The following USP6NL variants were observed in gnomAD, a reference collection of about 807,000 sequenced individuals.
The protein encoded by USP6NL is USP6 N-terminal-like protein.
Under a neutral mutation model 61.9 loss-of-function variants are expected in USP6NL, and 26 were observed. That is an observed-to-expected ratio of 0.42 (90% confidence interval 0.31 to 0.58). USP6NL has a LOEUF of 0.58. Among genes scored for constraint, USP6NL ranks in the 20% least tolerant of loss-of-function variants. The pLI is 0.16. For missense variants in USP6NL, 1,114 were observed against 1,034.3 expected, an observed-to-expected ratio of 1.08 and a Z score of -1.06; for synonymous variants, 432 against 390.1, an observed-to-expected ratio of 1.11 and a Z score of -1.27.
At chr10:11,573,135 C>T (rs991659673) in intron 2 of USP6NL, among the ~76,000 whole-genome samples, 16 of 152,172 alleles carry the variant, frequency 1.1e-4, no homozygotes, top group African/African-American at 3.6e-4. Flanking sequence ...TGGCTAAATT[C>T]ATATTTATAA....
In USP6NL at chr10:11,499,665, G is replaced by A. The variant is rs1389544461; in HGVS notation, c.384+1436C>T. Among the ~76,000 whole-genome samples, 5 of 152,166 alleles carry A rather than the reference G, an allele frequency of 3.3e-5. No homozygotes were observed. The highest frequency in any genetic ancestry group is 3.3e-4 in the Admixed American group (5 of 15,280). On this transcript the variant is annotated intron_variant, in intron 7 of 14. Transcript: ENST00000609104. This position sits in a 1 kb window ranked among gnomAD's most constrained non-coding sequence, Gnocchi z 4.5. ...ATAAGGAAGACAGGGATGGAGCGAT[G>A]CCAAAATGCACTAAGGATGGTAGGC...
chr10:11,561,276 G>C lies in USP6NL; in HGVS notation c.5-33709C>G, dbSNP rs568364672. 3.3e-5 allele frequency among the ~76,000 whole-genome samples: 5 copies of C among 152,178 alleles called. No homozygotes were observed. The highest frequency in any genetic ancestry group is 2.6e-4 in the Admixed American group (4 of 15,292). On this transcript the variant is annotated intron_variant, in intron 2 of 14. Coordinates refer to ENST00000609104, the MANE Select transcript of USP6NL (RefSeq NM_014688.5). The surrounding 1 kb of genome is among the most constrained non-coding windows in gnomAD (Gnocchi z 4.1). ...TTCAAGCAATACAGAAATGCATTAA[G>C]AAAAGTGAACTCTCTTCCTCTACAC... is the stretch of plus-strand genomic sequence containing the variant.
At chr10:11,581,531 A>T (rs1837774299) in intron 2 of USP6NL, among the ~76,000 whole-genome samples, 1 of 152,220 alleles carries the variant, frequency 6.6e-6, no homozygotes, top group Admixed American at 6.5e-5. Flanking sequence ...TCAGAATTGA[A>T]CTACTGTCAT....
chr10:11,489,226 G>C lies in USP6NL; in HGVS notation c.544-4C>G. ...TCCCCTGACAATACCCGACTTCCTG[G>C]GGAGCAAAGGGGAACACAGAAGCTG... On this transcript the variant is annotated splice_polypyrimidine_tract_variant and splice_region_variant and intron_variant, in intron 9 of 14. Transcript: ENST00000609104. This position sits in a 1 kb window ranked among gnomAD's most constrained non-coding sequence, Gnocchi z 5.7. The C allele has an allele frequency of 6.2e-7, 1 of 1,613,498 alleles. No individual in the cohort carries two copies. The highest frequency in any genetic ancestry group is 8.5e-7 in the Non-Finnish European group (1 of 1,179,634).
In USP6NL at chr10:11,602,634, T is replaced by A. The variant is rs1382269504; in HGVS notation, c.-83-4917A>T. ...GTCAGGGCAGACTCCCAGGTGCTGG[T>A]TGAGTATGCCAAATCTAAACTTTCT... On this transcript the variant is annotated intron_variant, in intron 1 of 14. Coordinates refer to ENST00000609104, the MANE Select transcript of USP6NL (RefSeq NM_014688.5). The surrounding 1 kb of genome is among the most constrained non-coding windows in gnomAD (Gnocchi z 4.8). 6.6e-6 allele frequency among the ~76,000 whole-genome samples: 1 copy of A among 152,134 alleles called. No homozygotes were observed. The highest frequency in any genetic ancestry group is 1.5e-5 in the Non-Finnish European group (1 of 68,020).
At chr10:11,536,262 A>T (rs1835828669) in intron 2 of USP6NL, among the ~76,000 whole-genome samples, 2 of 152,072 alleles carry the variant, frequency 1.3e-5, no homozygotes, top group South Asian at 4.2e-4. Flanking sequence ...TGACCCTTTT[A>T]TTTCCCTTTA....
chr10:11,577,450 C>T (rs185993497), intron 2 of USP6NL, among the ~76,000 whole-genome samples: 1 of 152,170 alleles, frequency 6.6e-6, no homozygotes, highest in East Asian at 1.9e-4. Context: ...CTTTTCACTG[C>T]TGATACATAA....
chr10:11,531,684 A>C (rs958095810), intron 2 of USP6NL, among the ~76,000 whole-genome samples: 2 of 151,374 alleles, frequency 1.3e-5, no homozygotes, highest in African/African-American at 2.4e-5. Flanking sequence ...AAAAAAAAAA[A>C]CTACATTATC....
chr10:11,505,224 G>A (rs1452924609), intron 6 of USP6NL, among the ~76,000 whole-genome samples: 1 of 152,090 alleles, frequency 6.6e-6, no homozygotes, highest in Non-Finnish European at 1.5e-5. Flanking sequence ...GAAAAGTGGG[G>A]GTGGGAGCAA....
Position 11,463,208 on chromosome 10 carries a change from A to C in USP6NL, c.1720T>G (p.Ser574Ala). The C allele has an allele frequency of 6.2e-7, 1 of 1,613,306 alleles. No individual in the cohort carries two copies. The highest frequency in any genetic ancestry group is 1.1e-5 in the South Asian group (1 of 91,076). ...TAAAGGGCATGCCGGGGGCTCTGGG[A>C]GTAAGCCCTTTCCAGCGCCTCCTCC... The part of the protein sequence containing the change: ...SVEEALERAY[S>A]QSPRHALYPP... Residue 574 changes from serine (S) to alanine (A), a missense_variant, in exon 15 of 15, where the codon TCC (serine) becomes GCC (alanine). Physicochemically the swap from Ser to Ala is moderately conservative, Grantham distance 99. Transcript: ENST00000609104. This position sits in a 1 kb window ranked among gnomAD's most constrained non-coding sequence, Gnocchi z 6.3.
intron 2 of USP6NL, among the ~76,000 whole-genome samples, chr10:11,567,626 G>GCT (rs1837211821): frequency 6.6e-6 from 1 of 152,202 alleles, no homozygotes. Context: ...TATCCACAGA[G>GCT]CTCTGTATTC....
rs148552165 is a variant in USP6NL at position 11,568,001 on chromosome 10, T to C, written c.4+29630A>G. 3.4e-3 allele frequency among the ~76,000 whole-genome samples: 519 copies of C among 152,288 alleles called. 10 individuals are homozygous for C. The highest frequency in any genetic ancestry group is 0.031 in the Admixed American group (475 of 15,298). Reference sequence around the variant, plus strand: ...CTTAGCTAACCACTTCTGCGCTGCCTTTCCTTTTCATTAAACCACTCACGT... The same window carrying C: ...CTTAGCTAACCACTTCTGCGCTGCCCTTCCTTTTCATTAAACCACTCACGT... On this transcript the variant is annotated intron_variant, in intron 2 of 14. Transcript: ENST00000609104.
At position 11,528,647 on chromosome 10, in the gene USP6NL, A is replaced by G. The variant is rs1835520600; in HGVS notation, c.5-1080T>C. ...TCCACAGCCCACAATTTTAATTACT[A>G]TTTTATAAAAATGATGACTAAAGAC... On this transcript the variant is annotated intron_variant, in intron 2 of 14. Coordinates refer to ENST00000609104, the MANE Select transcript of USP6NL (RefSeq NM_014688.5). The surrounding 1 kb of genome is among the most constrained non-coding windows in gnomAD (Gnocchi z 4.6). 6.6e-6 allele frequency among the ~76,000 whole-genome samples: 1 copy of G among 152,214 alleles called. No individual in the cohort carries two copies. The highest frequency in any genetic ancestry group is 1.5e-5 in the Non-Finnish European group (1 of 68,038).
At chr10:11,501,766 G>A (rs752426189) in intron 6 of USP6NL, among the ~76,000 whole-genome samples, 3 of 152,132 alleles carry the variant, frequency 2.0e-5, no homozygotes, top group Non-Finnish European at 4.4e-5. Context: ...GCCATCTTCA[G>A]TGTTCTCTCT....
At chr10:11,488,538 G>A (rs914956495) in intron 10 of USP6NL, among the ~76,000 whole-genome samples, 1 of 152,120 alleles carries the variant, frequency 6.6e-6, no homozygotes, top group Admixed American at 6.5e-5. Flanking sequence ...TTAAATAATC[G>A]AGTGCCTAGA....
At chr10:11,576,375 C>G (rs1254151638) in intron 2 of USP6NL, among the ~76,000 whole-genome samples, 5 of 151,580 alleles carry the variant, frequency 3.3e-5, no homozygotes, top group Non-Finnish European at 4.4e-5. Flanking sequence ...ATCTGAATGT[C>G]TAAGTTCCCC....
chr10:11,500,519 G>A (rs935785686), intron 7 of USP6NL, among the ~76,000 whole-genome samples: 1 of 151,902 alleles, frequency 6.6e-6, no homozygotes, highest in Non-Finnish European at 1.5e-5. Context: ...GTATAGCTAC[G>A]AGATGACAAG....
At chr10:11,577,056 A>T (rs1336549507) in intron 2 of USP6NL, among the ~76,000 whole-genome samples, 1 of 150,884 alleles carries the variant, frequency 6.6e-6, no homozygotes, top group Non-Finnish European at 1.5e-5. Flanking sequence ...TTTCCTTTAG[A>T]ATTCTTTTTT....
chr10:11,591,580 A>G lies in USP6NL; in HGVS notation c.4+6051T>C, dbSNP rs1838159109. On this transcript the variant is annotated intron_variant, in intron 2 of 14. Coordinates refer to ENST00000609104, the MANE Select transcript of USP6NL (RefSeq NM_014688.5). The surrounding 1 kb of genome is among the most constrained non-coding windows in gnomAD (Gnocchi z 4.7). ...ATAAAAGGAAAACAGACTTTCACAG[A>G]AAATGTTTTGTTTAAACATTTCAAT... Among the ~76,000 whole-genome samples the G allele has an allele frequency of 6.6e-6, 1 of 152,150 alleles. No individual in the cohort carries two copies. The highest frequency in any genetic ancestry group is 6.5e-5 in the Admixed American group (1 of 15,278).
Sources: gnomAD v4.1 joint callset for allele counts (sites outside exome capture counted in the v4.1 genomes callset) on GRCh38, gnomAD v4.1.1 for gene constraint, Gnocchi (gnomAD v3.1) non-coding constraint, MANE v1.5 for transcripts, NCBI Gene and HGNC (gene_info 2026-07-23, HGNC 2026-07-21) for gene names.